SPATS2: variants seen among roughly 807,000 people sequenced by gnomAD.
SPATS2 encodes spermatogenesis associated serine rich 2.
A neutral mutation model predicts 63.7 loss-of-function variants in SPATS2; 38 were observed. The observed-to-expected ratio is 0.60, with a 90% CI of 0.46 to 0.78. The LOEUF (loss-of-function observed/expected upper bound fraction) is 0.78, where lower values mean the gene tolerates loss of function less well. Ranked by LOEUF, SPATS2 falls within the 30% of genes least tolerant of loss-of-function variation. SPATS2 has a pLI of 0.00. For missense variants in SPATS2, 588 were observed against 666.2 expected, an observed-to-expected ratio of 0.88 and a Z score of 1.29; for synonymous variants, 207 against 232.9, an observed-to-expected ratio of 0.89 and a Z score of 1.01.
At chr12:49,399,501 C>G (rs77060377) in intron 2 of SPATS2, among the ~76,000 whole-genome samples, 14,020 of 152,188 alleles carry the variant, frequency 0.092, 751 homozygotes, top group African/African-American at 0.14. Context: ...ACCCACCATA[C>G]AGAAAGGCAT....
intron 3 of SPATS2, chr12:49,463,412 CA>C (rs557932750): frequency 0.04 from 3,012 of 75,938 alleles, 43 homozygotes; most frequent in South Asian, 0.077. Context: ...GACTCTGTCT[CA>C]AAAAAAAAAA....
chr12:49,403,642 A>AAC (rs961649440), intron 2 of SPATS2, among the ~76,000 whole-genome samples: 2 of 117,992 alleles, frequency 1.7e-5, no homozygotes, highest in African/African-American at 6.3e-5. Context: ...CACACACACA[A>AAC]ACAAAACTGG....
chr12:49,375,339 C>G (rs895505503), intron 2 of SPATS2, among the ~76,000 whole-genome samples: 21 of 152,186 alleles, frequency 1.4e-4, no homozygotes, highest in African/African-American at 5.1e-4. Context: ...AATGATATTA[C>G]TTCTTACTGA....
intron 8 of SPATS2, among the ~76,000 whole-genome samples, chr12:49,499,115 A>G (rs1946518519): frequency 6.6e-6 from 1 of 152,016 alleles, no homozygotes; most frequent in Admixed American, 6.6e-5. Context: ...TAGCTGTTTG[A>G]TGTCCTTTTC....
chr12:49,392,803 G>A (rs1214148566), intron 2 of SPATS2, among the ~76,000 whole-genome samples: 1 of 151,982 alleles, frequency 6.6e-6, no homozygotes, highest in African/African-American at 2.4e-5. Flanking sequence ...TGTAATCCCA[G>A]CACTTTGGGA....
chr12:49,500,920 C>T (rs149144647), intron 9 of SPATS2, among the ~76,000 whole-genome samples: 1 of 152,178 alleles, frequency 6.6e-6, no homozygotes, highest in East Asian at 1.9e-4. Context: ...TATGCCACTC[C>T]AATAAAGTGC....
intron 2 of SPATS2, among the ~76,000 whole-genome samples, chr12:49,414,407 C>T (rs1022758622): frequency 9.2e-5 from 14 of 151,896 alleles, no homozygotes; most frequent in African/African-American, 3.1e-4. Flanking sequence ...CAAAGGCCAT[C>T]GAACTAAGAC....
chr12:49,502,915 T>C (rs1946588873), intron 9 of SPATS2, among the ~76,000 whole-genome samples: 1 of 152,152 alleles, frequency 6.6e-6, no homozygotes, highest in Non-Finnish European at 1.5e-5. Context: ...TCCCACCATT[T>C]CTCCAAACTT....
intron 5 of SPATS2, 43 bp downstream of exon 5, chr12:49,489,616 A>T (rs778728933): frequency 3.2e-6 from 5 of 1,542,110 alleles, no homozygotes; most frequent in Non-Finnish European, 3.5e-6. Context: ...TATTTGCTCA[A>T]ATAGAATTTG....
At chr12:49,438,202 A>G (rs887741505) in intron 2 of SPATS2, among the ~76,000 whole-genome samples, 3 of 152,136 alleles carry the variant, frequency 2.0e-5, no homozygotes, top group Non-Finnish European at 4.4e-5. Context: ...TATAAACAGA[A>G]TCCTATAGTA....
intron 2 of SPATS2, among the ~76,000 whole-genome samples, chr12:49,454,028 A>G (rs954368260): frequency 6.6e-6 from 1 of 151,678 alleles, no homozygotes; most frequent in Non-Finnish European, 1.5e-5. Context: ...ATGCCCAACT[A>G]ACTTTTTTGT....
chr12:49,488,582 T>G (rs903042348), intron 4 of SPATS2, among the ~76,000 whole-genome samples: 2 of 151,928 alleles, frequency 1.3e-5, no homozygotes, highest in African/African-American at 4.8e-5. Context: ...CGCTTGAACC[T>G]GGGAGGTGGA....
intron 2 of SPATS2, among the ~76,000 whole-genome samples, chr12:49,457,808 G>T (rs183104528): frequency 6.6e-6 from 1 of 152,288 alleles, no homozygotes; most frequent in African/African-American, 2.4e-5. Context: ...GTTTTTGGCA[G>T]ATCTGAGTTC....
At chr12:49,519,247 T>G in intron 11 of SPATS2, 65 bp downstream of exon 11, 3 of 1,313,856 alleles carry the variant, frequency 2.3e-6, no homozygotes, top group Non-Finnish European at 3.2e-6. Context: ...GAAATTTTCA[T>G]AATTCATGGC....
At chr12:49,475,430 G>T (rs181449725) in intron 3 of SPATS2, among the ~76,000 whole-genome samples, 1 of 150,246 alleles carries the variant, frequency 6.7e-6, no homozygotes, top group Non-Finnish European at 1.5e-5. Context: ...TAGAATTCTT[G>T]TTGTTGTTGT....
intron 2 of SPATS2, among the ~76,000 whole-genome samples, chr12:49,459,739 G>A (rs1179619514): frequency 7.8e-5 from 2 of 25,730 alleles, no homozygotes; most frequent in Non-Finnish European, 7.0e-5. Context: ...CTCATTTCAC[G>A]TCCCCCCCCC....
intron 2 of SPATS2, among the ~76,000 whole-genome samples, chr12:49,409,392 G>A (rs746106804): frequency 2.0e-5 from 3 of 151,784 alleles, no homozygotes; most frequent in Non-Finnish European, 4.4e-5. Flanking sequence ...TGCAAGCTCC[G>A]CCTCCCGGGT....
At chr12:49,473,385 C>G (rs1010197333) in intron 3 of SPATS2, among the ~76,000 whole-genome samples, 2 of 152,148 alleles carry the variant, frequency 1.3e-5, no homozygotes. Flanking sequence ...CCACTGTACT[C>G]CAGCCTGAGC....
chr12:49,427,180 C>T (rs140650550), intron 2 of SPATS2, among the ~76,000 whole-genome samples: 10 of 151,932 alleles, frequency 6.6e-5, no homozygotes, highest in African/African-American at 1.9e-4. Flanking sequence ...TGGGCTCAAG[C>T]AATCTGCCTG....
Sources: allele counts gnomAD v4.1 joint callset (sites outside exome capture counted in the v4.1 genomes callset), GRCh38; gene constraint gnomAD v4.1.1; transcripts MANE v1.5; gene names NCBI Gene and HGNC (gene_info 2026-07-23, HGNC 2026-07-21).